Variants in PCDH9 observed in about 807,000 individuals in gnomAD.
The protein encoded by PCDH9 is protocadherin-9.
In PCDH9, 24 loss-of-function variants were observed where a neutral mutation model predicts 70.6. That is an observed-to-expected ratio of 0.34 (90% CI 0.25 to 0.48). PCDH9 has a LOEUF of 0.48. Ranked by LOEUF, PCDH9 falls within the 20% of genes least tolerant of loss-of-function variation. The probability of loss-of-function intolerance (pLI) is 0.99; values close to 1 mark genes in which losing one functional copy is unlikely to be tolerated. For synonymous variants in PCDH9, 562 were observed against 558.5 expected (o/e 1.01, Z -0.09); for missense variants, 1,281 against 1,503.6 (o/e 0.85, Z 2.45).
intron 2 of PCDH9, among the ~76,000 whole-genome samples, chr13:66,993,930 G>A (rs2084054827): frequency 6.6e-6 from 1 of 152,096 alleles, no homozygotes; most frequent in African/African-American, 2.4e-5. Flanking sequence ...CAGAGAGCCC[G>A]TTAGTTGTTT....
intron 3 of PCDH9, among the ~76,000 whole-genome samples, chr13:66,880,551 GA>G (rs551880923): frequency 4.0e-5 from 6 of 151,782 alleles, no homozygotes; most frequent in African/African-American, 1.2e-4. Context: ...TACATTTAAA[GA>G]AAAAAAATCT....
chr13:66,448,510 A>G (rs1287351687), intron 4 of PCDH9, among the ~76,000 whole-genome samples: 1 of 152,232 alleles, frequency 6.6e-6, no homozygotes, highest in Non-Finnish European at 1.5e-5. Flanking sequence ...AAAGAGACTG[A>G]GTTATGAGGA....
chr13:66,560,646 A>G (rs1259184638), intron 4 of PCDH9, among the ~76,000 whole-genome samples: 1 of 152,236 alleles, frequency 6.6e-6, no homozygotes, highest in Non-Finnish European at 1.5e-5. Context: ...GTGAATTCAA[A>G]TAAATAATCA....
chr13:67,009,109 C>T (rs190832613), intron 2 of PCDH9, among the ~76,000 whole-genome samples: 3 of 152,188 alleles, frequency 2.0e-5, no homozygotes, highest in Middle Eastern at 3.4e-3. Flanking sequence ...GATTACCAAA[C>T]ATTAGCGTTC....
At chr13:66,509,909 C>T (rs187435216) in intron 4 of PCDH9, among the ~76,000 whole-genome samples, 1 of 152,114 alleles carries the variant, frequency 6.6e-6, no homozygotes, top group Non-Finnish European at 1.5e-5. Context: ...ACATTGAAAA[C>T]ATTTTTCTAT....
chr13:66,647,090 C>G (rs1218085979), intron 3 of PCDH9, among the ~76,000 whole-genome samples: 1 of 152,026 alleles, frequency 6.6e-6, no homozygotes, highest in South Asian at 2.1e-4. Context: ...CTCTGGAGTG[C>G]TAAATAAACT....
chr13:66,535,399 A>G (rs1186974478), intron 4 of PCDH9, among the ~76,000 whole-genome samples: 4 of 152,060 alleles, frequency 2.6e-5, no homozygotes, highest in Non-Finnish European at 5.9e-5. Context: ...ATATCTTACT[A>G]TAATTCCAAA....
At position 66,552,541 on chromosome 13, in the gene PCDH9, G is replaced by A. The variant is rs575861022; in HGVS notation, c.3340+78669C>T. On this transcript the variant is annotated intron_variant, in intron 4 of 4. Transcript: ENST00000377865. ...AATCCCATGCCAGAGCCTGATGCCT[G>A]TCTCAATTCTTTGTGTTGTTGAGGT... is the stretch of plus-strand genomic sequence containing the variant. Among the ~76,000 whole-genome samples the A allele has an allele frequency of 5.9e-5, 9 of 152,226 alleles. No individual in the cohort carries two copies. In the South Asian group the frequency reaches 1.9e-3, roughly 32 times the overall value.
At chr13:66,734,194 G>C (rs1273423533) in intron 3 of PCDH9, among the ~76,000 whole-genome samples, 2 of 152,146 alleles carry the variant, frequency 1.3e-5, no homozygotes, top group African/African-American at 2.4e-5. Context: ...CAATTAATCA[G>C]TTATGCCTAC....
chr13:66,478,104 T>C (rs1298193220), intron 4 of PCDH9, among the ~76,000 whole-genome samples: 1 of 152,190 alleles, frequency 6.6e-6, no homozygotes, highest in Non-Finnish European at 1.5e-5. Flanking sequence ...ATTTTAAATG[T>C]TTGGTGCATT....
intron 4 of PCDH9, among the ~76,000 whole-genome samples, chr13:66,467,265 G>A (rs1594026479): frequency 2.0e-5 from 3 of 152,044 alleles, no homozygotes; most frequent in African/African-American, 7.2e-5. Flanking sequence ...GAAAGACTAC[G>A]TTTAACAGAA....
chr13:66,325,084 A>C (rs1955819716), intron 4 of PCDH9, among the ~76,000 whole-genome samples: 1 of 152,034 alleles, frequency 6.6e-6, no homozygotes, highest in South Asian at 2.1e-4. Flanking sequence ...ATAATATAGA[A>C]ACAATATTTT....
chr13:66,944,964 C>CT (rs2083065661), intron 2 of PCDH9, among the ~76,000 whole-genome samples: 1 of 151,938 alleles, frequency 6.6e-6, no homozygotes, highest in Non-Finnish European at 1.5e-5. Context: ...TCAGGACACA[C>CT]TACCCTAAAA....
At chr13:66,735,353 G>C (rs993066864) in intron 3 of PCDH9, among the ~76,000 whole-genome samples, 3 of 152,144 alleles carry the variant, frequency 2.0e-5, no homozygotes, top group African/African-American at 7.2e-5. Flanking sequence ...AGAGAGATTT[G>C]TGAGACTTAG....
chr13:66,585,581 T>A (rs545657494), intron 4 of PCDH9, among the ~76,000 whole-genome samples: 1 of 152,198 alleles, frequency 6.6e-6, no homozygotes, highest in African/African-American at 2.4e-5. Context: ...AGCAATCAGA[T>A]CCCTTAACGC....
At chr13:67,224,741 T>TC in intron 2 of PCDH9, 1 of 770,926 alleles carries the variant, frequency 1.3e-6, no homozygotes, top group Non-Finnish European at 1.6e-6. Flanking sequence ...TTTTTTTTTT[T>TC]TTTTTTGAAA....
At chr13:66,571,663 A>G (rs1047416538) in intron 4 of PCDH9, among the ~76,000 whole-genome samples, 2 of 152,034 alleles carry the variant, frequency 1.3e-5, no homozygotes, top group African/African-American at 4.8e-5. Flanking sequence ...TATTCTTATT[A>G]GCCATTTTGC....
chr13:66,663,971 G>A (rs958183668), intron 3 of PCDH9, among the ~76,000 whole-genome samples: 1 of 152,158 alleles, frequency 6.6e-6, no homozygotes, highest in Non-Finnish European at 1.5e-5. Context: ...TGAGCATCAT[G>A]GAGCTTGGAG....
chr13:66,815,622 A>T (rs2080589099), intron 3 of PCDH9, among the ~76,000 whole-genome samples: 1 of 152,144 alleles, frequency 6.6e-6, no homozygotes, highest in South Asian at 2.1e-4. Context: ...CCTTTGCAGG[A>T]TACTGTAGGC....
Sources: allele counts gnomAD v4.1 joint callset (sites outside exome capture counted in the v4.1 genomes callset), GRCh38; gene constraint gnomAD v4.1.1; transcripts MANE v1.5; gene names NCBI Gene and HGNC (gene_info 2026-07-23, HGNC 2026-07-21).